Variants in DYNC1I1 observed in about 807,000 individuals in gnomAD.
DYNC1I1 encodes the protein cytoplasmic dynein 1 intermediate chain 1.
A neutral mutation model predicts 86.6 loss-of-function variants in DYNC1I1; 43 were observed. The observed-to-expected ratio is 0.50, with a 90% CI of 0.39 to 0.64. The LOEUF is 0.64. DYNC1I1 is among the 30% of genes least tolerant of loss of function. The pLI is 0.00. For missense variants in DYNC1I1, 604 were observed against 788.8 expected, an observed-to-expected ratio of 0.77 and a Z score of 2.81; for synonymous variants, 262 against 283.7, an observed-to-expected ratio of 0.92 and a Z score of 0.77.
intron 16 of DYNC1I1, among the ~76,000 whole-genome samples, chr7:96,095,708 G>C (rs1231933061): frequency 6.6e-6 from 1 of 152,066 alleles, no homozygotes; most frequent in African/African-American, 2.4e-5. Flanking sequence ...AAAAGAAATA[G>C]TGGTCCTATT....
chr7:95,946,480 T>A (rs1792404970), intron 6 of DYNC1I1, among the ~76,000 whole-genome samples: 1 of 152,068 alleles, frequency 6.6e-6, no homozygotes, highest in Non-Finnish European at 1.5e-5. Context: ...AAATGCCACC[T>A]CCTCCACAAA....
At position 95,931,913 on chromosome 7, in the gene DYNC1I1, C is replaced by T. The variant is rs183784112; in HGVS notation, c.491-45599C>T. Among the ~76,000 whole-genome samples the T allele has an allele frequency of 2.6e-5, 4 of 152,202 alleles. No individual in the cohort carries two copies. In the East Asian group the frequency reaches 7.7e-4, roughly 29 times the overall value. ...TAATCATAATGACTTGTCAGTCTAA[C>T]TTGCTGCCAGCGTCTTAATTTCCAA... On this transcript the variant is annotated intron_variant, in intron 6 of 16. Transcript: ENST00000447467.
chr7:96,022,056 A>G (rs1008577376), intron 10 of DYNC1I1, among the ~76,000 whole-genome samples: 1 of 152,150 alleles, frequency 6.6e-6, no homozygotes, highest in Non-Finnish European at 1.5e-5. Flanking sequence ...TGATAATTCT[A>G]TGTTTAACTT....
chr7:95,906,295 A>C (rs1005284272), intron 6 of DYNC1I1, among the ~76,000 whole-genome samples: 11 of 152,128 alleles, frequency 7.2e-5, no homozygotes, highest in Admixed American at 7.2e-4. Context: ...AATCCCCTTG[A>C]GCTACGGTTT....
At chr7:96,028,618 A>G (rs1463463866) in intron 11 of DYNC1I1, among the ~76,000 whole-genome samples, 5 of 152,220 alleles carry the variant, frequency 3.3e-5, no homozygotes, top group Admixed American at 6.5e-5. Context: ...GTTTTCCCAA[A>G]GAAACCCTAT....
At chr7:96,044,811 A>T (rs984590742) in intron 14 of DYNC1I1, among the ~76,000 whole-genome samples, 1 of 152,194 alleles carries the variant, frequency 6.6e-6, no homozygotes, top group African/African-American at 2.4e-5. Context: ...ATTTCAGCTG[A>T]TCACAGAGGA....
intron 14 of DYNC1I1, among the ~76,000 whole-genome samples, chr7:96,075,196 C>A (rs1475625846): frequency 6.6e-6 from 1 of 152,158 alleles, no homozygotes; most frequent in African/African-American, 2.4e-5. Context: ...TTTGATGTGA[C>A]AATATTCACT....
In DYNC1I1 at chr7:96,080,385, T is replaced by C; in HGVS notation, c.1673T>C (p.Ile558Thr). The C allele has an allele frequency of 6.2e-7, 1 of 1,611,442 alleles. No individual in the cohort carries two copies. Among genetic ancestry groups the C allele is most frequent in the Non-Finnish European group, 8.5e-7 (1 of 1,178,790 alleles). ...DTEVPTASVA[I>T]EGASALNRVR... ...CAGGTTCCAACAGCAAGTGTGGCCA[T>C]TGAGGGGGCATCCGCCCTAAACCGT... The change falls in exon 16 of 17, where the codon ATT becomes ACT. Residue 558 changes from isoleucine (I) to threonine (T), a missense_variant. Physicochemically the swap from Ile to Thr is moderately conservative, Grantham distance 89. Coordinates refer to ENST00000447467, the MANE Select transcript of DYNC1I1 (RefSeq NM_001135556.2).
chr7:95,995,806 A>G, intron 9 of DYNC1I1, 142 bp from the exon 10 acceptor site: 2 of 1,185,090 alleles, frequency 1.7e-6, no homozygotes, highest in South Asian at 1.7e-5. Context: ...AGGTTGCAGC[A>G]GTAAGCTGAT....
intron 4 of DYNC1I1, chr7:95,818,624 G>T: frequency 1.8e-6 from 1 of 546,872 alleles, no homozygotes; most frequent in Non-Finnish European, 3.3e-6. Context: ...GAGATTACAG[G>T]CAGGACCCAT....
chr7:95,862,379 T>C (rs1789909417), intron 5 of DYNC1I1, among the ~76,000 whole-genome samples: 1 of 151,820 alleles, frequency 6.6e-6, no homozygotes, highest in Non-Finnish European at 1.5e-5. Flanking sequence ...TAACCCAATT[T>C]TAAAATGGAC....
intron 9 of DYNC1I1, among the ~76,000 whole-genome samples, chr7:95,991,988 T>A (rs1793742129): frequency 1.3e-5 from 2 of 152,058 alleles, no homozygotes; most frequent in Non-Finnish European, 1.5e-5. Context: ...CCATCCCGAG[T>A]AGCTGGGATT....
chr7:95,800,495 A>C (rs1411776604), intron 1 of DYNC1I1, among the ~76,000 whole-genome samples: 1 of 152,116 alleles, frequency 6.6e-6, no homozygotes, highest in Non-Finnish European at 1.5e-5. Flanking sequence ...ACTGATGGAA[A>C]AAGAGTTCTG....
At chr7:96,097,282 A>C (rs1481087683) in intron 16 of DYNC1I1, among the ~76,000 whole-genome samples, 2 of 152,140 alleles carry the variant, frequency 1.3e-5, no homozygotes, top group African/African-American at 4.8e-5. Context: ...TGCTTCCAAG[A>C]GTGACATGGT....
intron 6 of DYNC1I1, among the ~76,000 whole-genome samples, chr7:95,961,800 T>G (rs751764831): frequency 6.6e-6 from 1 of 152,210 alleles, no homozygotes; most frequent in Non-Finnish European, 1.5e-5. Flanking sequence ...AGCATACTTA[T>G]TTTAAATGTA....
At position 96,077,684 on chromosome 7, in the gene DYNC1I1, C is replaced by T. The variant is rs534212553; in HGVS notation, c.1650+1487C>T. 2.6e-5 allele frequency among the ~76,000 whole-genome samples: 4 copies of T among 152,182 alleles called. No homozygotes were observed. In the South Asian group the frequency reaches 6.2e-4, roughly 24 times the overall value. On this transcript the variant is annotated intron_variant, in intron 15 of 16. Coordinates refer to ENST00000447467, the MANE Select transcript of DYNC1I1 (RefSeq NM_001135556.2). ...CATTTTCCTGATTGACTTAGGAGAC[C>T]GCTGTAGTAGAAATCCAGCTTAGTT...
At chr7:96,052,607 A>G (rs562675923) in intron 14 of DYNC1I1, among the ~76,000 whole-genome samples, 1 of 152,314 alleles carries the variant, frequency 6.6e-6, no homozygotes, top group South Asian at 2.1e-4. Context: ...TTAAAGATGT[A>G]GCAATAGTAA....
At position 95,948,465 on chromosome 7, in the gene DYNC1I1, A is replaced by G. The variant is rs962055160; in HGVS notation, c.491-29047A>G. Among the ~76,000 whole-genome samples, 4 of 152,170 alleles carry G rather than the reference A, an allele frequency of 2.6e-5. No homozygotes were observed. The East Asian group carries it at 5.8e-4, about 22-fold the overall frequency. On this transcript the variant is annotated intron_variant, in intron 6 of 16. Transcript: ENST00000447467. The stretch of plus-strand genomic sequence containing the variant: ...CTCAAGCTGCATTATTGAGGTCCCA[A>G]GAACACATCCAGTAGTGGGCACAGT...
chr7:95,928,926 C>G (rs1040602527), intron 6 of DYNC1I1, among the ~76,000 whole-genome samples: 2 of 152,114 alleles, frequency 1.3e-5, no homozygotes, highest in African/African-American at 4.8e-5. Flanking sequence ...CTATGTGAGC[C>G]TGGCTTCTTT....
Sources: allele counts gnomAD v4.1 joint callset (sites outside exome capture counted in the v4.1 genomes callset), GRCh38; gene constraint gnomAD v4.1.1; transcripts MANE v1.5; gene names NCBI Gene and HGNC (gene_info 2026-07-23, HGNC 2026-07-21).